NINL: variants seen among roughly 807,000 people sequenced by gnomAD.
NINL encodes the protein ninein-like protein.
NINL carries 153 observed loss-of-function variants against 160.3 expected under a neutral mutation model. The observed-to-expected ratio is 0.95, with a 90% confidence interval of 0.84 to 1.09. The LOEUF (loss-of-function observed/expected upper bound fraction) is 1.09, where lower values mean the gene tolerates loss of function less well. NINL is among the 50% of genes least tolerant of loss of function. The pLI, the probability that NINL is intolerant of heterozygous loss-of-function variation, is 0.00. For synonymous variants in NINL, 800 were observed against 734.8 expected (o/e 1.09, Z -1.43); for missense variants, 1,829 against 1,764.0 (o/e 1.04, Z -0.66).
rs1363275941 is a variant in NINL at position 25,453,616 on chromosome 20, C to G, written c.3984G>C (p.Leu1328=). Residue 1328 remains leucine (L), a synonymous_variant, in exon 24 of 24, where the codon CTG becomes CTC. Transcript: ENST00000278886. Reference sequence around the variant, plus strand: ...TCTCCACGTACAGCTCCTTCAGCAGCAGGTCGGACTTCGTGTTCTTTTCAA... The same window carrying G: ...TCTCCACGTACAGCTCCTTCAGCAGGAGGTCGGACTTCGTGTTCTTTTCAA... ...EQFEKNTKSD[L]LLKELYVENA... 33 of 1,609,838 alleles carry G rather than the reference C, an allele frequency of 2.0e-5. No homozygotes were observed. The highest frequency in any genetic ancestry group is 2.8e-5 in the Non-Finnish European group (33 of 1,178,100).
chr20:25,583,450 T>C (rs548376952), intron 1 of NINL, among the ~76,000 whole-genome samples: 40 of 152,138 alleles, frequency 2.6e-4, no homozygotes, highest in Non-Finnish European at 5.4e-4. Flanking sequence ...GTTAGAATGG[T>C]AATTATTAAA....
intron 13 of NINL, among the ~76,000 whole-genome samples, chr20:25,483,641 G>T (rs2063446033): frequency 6.6e-6 from 1 of 152,258 alleles, no homozygotes; most frequent in Admixed American, 6.5e-5. Flanking sequence ...GGAAGGCTAG[G>T]ACACCATGGC....
At position 25,503,842 on chromosome 20, in the gene NINL, T is replaced by G. The variant is rs2146814880; in HGVS notation, c.861+110A>C. On this transcript the variant is annotated intron_variant, in intron 7 of 23. Transcript: ENST00000278886. ...CGTGTGTGCATGGCCTGTCCAGTTC[T>G]TGGACAGCTTGTTGTGTGGTGACAC... is the stretch of plus-strand genomic sequence containing the variant. 4.5e-6 allele frequency: 6 copies of G among 1,330,424 alleles called. No individual in the cohort carries two copies. The East Asian group carries it at 1.4e-4, about 30-fold the overall frequency. The allele number at this position is 1,330,424 out of a possible 1,614,324, so 82.4% of individuals were successfully genotyped here.
chr20:25,487,322 C>T (rs1460525638), intron 13 of NINL, among the ~76,000 whole-genome samples: 1 of 152,102 alleles, frequency 6.6e-6, no homozygotes, highest in African/African-American at 2.4e-5. Flanking sequence ...GGGGATTATA[C>T]AGGGTCTTAA....
chr20:25,466,650 A>G (rs2062920992), intron 19 of NINL, among the ~76,000 whole-genome samples: 1 of 151,804 alleles, frequency 6.6e-6, no homozygotes, highest in African/African-American at 2.4e-5. Context: ...TAATATAAAA[A>G]TTAGCCACGC....
intron 19 of NINL, among the ~76,000 whole-genome samples, chr20:25,464,597 A>G (rs931173190): frequency 2.6e-5 from 4 of 152,106 alleles, no homozygotes; most frequent in Non-Finnish European, 5.9e-5. Flanking sequence ...AGGCGCACAC[A>G]TGATGTCTTC....
intron 1 of NINL, among the ~76,000 whole-genome samples, chr20:25,536,924 T>C (rs2064566649): frequency 1.3e-5 from 2 of 152,172 alleles, no homozygotes; most frequent in Non-Finnish European, 2.9e-5. Context: ...TTAATTACCT[T>C]GCTCATACTC....
chr20:25,540,417 C>T (rs950248696), intron 1 of NINL, among the ~76,000 whole-genome samples: 1 of 152,082 alleles, frequency 6.6e-6, no homozygotes, highest in African/African-American at 2.4e-5. Context: ...CTCTGGAGGC[C>T]GGAGGAGAAG....
intron 1 of NINL, among the ~76,000 whole-genome samples, chr20:25,566,165 T>C (rs1020633970): frequency 6.6e-6 from 1 of 152,198 alleles, no homozygotes; most frequent in Non-Finnish European, 1.5e-5. Flanking sequence ...CCTGTTGGTC[T>C]CTCTGGAGAA....
chr20:25,482,459 C>T (rs1244171172), intron 13 of NINL, among the ~76,000 whole-genome samples: 1 of 152,202 alleles, frequency 6.6e-6, no homozygotes, highest in South Asian at 2.1e-4. Flanking sequence ...CTGCCTCTGC[C>T]TCCCAAGTAG....
intron 1 of NINL, among the ~76,000 whole-genome samples, chr20:25,536,859 GCA>G (rs1300245828): frequency 2.0e-5 from 3 of 152,222 alleles, no homozygotes; most frequent in African/African-American, 7.2e-5. Context: ...CAGCAAAAAT[GCA>G]CAGTGGCCAC....
chr20:25,581,583 A>G (rs1176737959), intron 1 of NINL, among the ~76,000 whole-genome samples: 1 of 152,254 alleles, frequency 6.6e-6, no homozygotes, highest in Non-Finnish European at 1.5e-5. Context: ...AGTGGTTTAA[A>G]TGATGACAGA....
At chr20:25,475,454 A>G (rs2146498399) in intron 17 of NINL, among the ~76,000 whole-genome samples, 1 of 152,338 alleles carries the variant, frequency 6.6e-6, no homozygotes, top group South Asian at 2.1e-4. Flanking sequence ...TACAGTCCAG[A>G]AAAGAAAACT....
chr20:25,576,819 T>C (rs2065121179), intron 1 of NINL, among the ~76,000 whole-genome samples: 1 of 152,208 alleles, frequency 6.6e-6, no homozygotes, highest in African/African-American at 2.4e-5. Flanking sequence ...TGTGCACAGT[T>C]GGAAATAATA....
At chr20:25,497,620 C>T (rs952460224) in intron 9 of NINL, among the ~76,000 whole-genome samples, 1 of 152,240 alleles carries the variant, frequency 6.6e-6, no homozygotes, top group Non-Finnish European at 1.5e-5. Flanking sequence ...GAATGGTCAG[C>T]CAAACCAAAC....
At chr20:25,477,927 T>TTC in intron 16 of NINL, among the ~76,000 whole-genome samples, 2 of 53,334 alleles carry the variant, frequency 3.7e-5, no homozygotes, top group East Asian at 0.034. Context: ...GACAGACGAC[T>TTC]TTTTTTTTTT....
chr20:25,489,315 G>A lies in NINL; in HGVS notation c.1606C>T (p.Gln536Ter). The A allele has an allele frequency of 6.2e-7, 1 of 1,613,838 alleles. No homozygotes were observed. The highest frequency in any genetic ancestry group is 8.5e-7 in the Non-Finnish European group (1 of 1,179,996). Reference protein sequence around the residue: ...EFVLKDKLEPQSAELLAQEER... With the variant: ...EFVLKDKLEP ...TCCTGGGCCAGGAGCTCTGCACTCT[G>A]TGGCTCCAGCTGAAAGGCAGACACA... The change falls in exon 13 of 24, where the codon CAG becomes TAG. Residue 536 changes from glutamine to a stop codon, truncating the protein, a stop_gained. Transcript: ENST00000278886. LOFTEE classifies it high-confidence loss of function.
At position 25,480,141 on chromosome 20, in the gene NINL, C is replaced by G. The variant is rs1256251150; in HGVS notation, c.1917+20G>C. ...CAGCAGCTACTCCCCCAGGGCCCCA[C>G]AGCCCCATAATCCCCTCACCTTGGT... On this transcript the variant is annotated intron_variant, in intron 15 of 23. Transcript: ENST00000278886. 3 of 1,586,068 alleles carry G rather than the reference C, an allele frequency of 1.9e-6. No homozygotes were observed. The highest frequency in any genetic ancestry group is 3.3e-5 in the Admixed American group (2 of 59,980).
intron 1 of NINL, among the ~76,000 whole-genome samples, chr20:25,583,943 G>A (rs1468697594): frequency 6.6e-6 from 1 of 152,100 alleles, no homozygotes; most frequent in Non-Finnish European, 1.5e-5. Context: ...TGGACACAGG[G>A]AGGGGAACAT....
Sources: allele counts gnomAD v4.1 joint callset (sites outside exome capture counted in the v4.1 genomes callset), GRCh38; gene constraint gnomAD v4.1.1; transcripts MANE v1.5; gene names NCBI Gene and HGNC (gene_info 2026-07-23, HGNC 2026-07-21).